The following TMEM132C variants were observed in gnomAD, a reference collection of about 807,000 sequenced individuals.
The protein encoded by TMEM132C is transmembrane protein 132C, also known as protein phosphatase 1, regulatory subunit 152.
In TMEM132C, 29 loss-of-function variants were observed where a neutral mutation model predicts 61.4. That is an observed-to-expected ratio of 0.47 (90% CI 0.35 to 0.64). The LOEUF (loss-of-function observed/expected upper bound fraction) is 0.64. Among genes scored for constraint, TMEM132C ranks in the 30% least tolerant of loss-of-function variants. The pLI is 0.00. For synonymous variants in TMEM132C, 656 were observed against 633.1 expected (o/e 1.04, Z -0.54); for missense variants, 1,408 against 1,476.9 (o/e 0.95, Z 0.76).
intron 1 of TMEM132C, among the ~76,000 whole-genome samples, chr12:128,352,512 ATTCAAAAG>A (rs1304608829): frequency 6.6e-6 from 1 of 152,204 alleles, no homozygotes; most frequent in African/African-American, 2.4e-5. Context: ...TAGTCTACTG[ATTCAAAAG>A]TTAATCTCAT....
chr12:128,573,522 A>C (rs557521007), intron 3 of TMEM132C, among the ~76,000 whole-genome samples: 21 of 152,280 alleles, frequency 1.4e-4, no homozygotes, highest in African/African-American at 4.1e-4. Flanking sequence ...TAATGGGTGC[A>C]GCATACCAAC....
intron 1 of TMEM132C, among the ~76,000 whole-genome samples, chr12:128,280,764 G>A (rs1284789676): frequency 6.6e-6 from 1 of 152,090 alleles, no homozygotes; most frequent in Non-Finnish European, 1.5e-5. Flanking sequence ...ATGCTTGAGG[G>A]GTCAAATATC....
intron 3 of TMEM132C, among the ~76,000 whole-genome samples, chr12:128,609,472 G>T (rs1002720053): frequency 6.6e-6 from 1 of 151,846 alleles, no homozygotes; most frequent in Non-Finnish European, 1.5e-5. Flanking sequence ...TGCCCAGGCT[G>T]GTCTCAAACT....
At chr12:128,589,389 G>A (rs1054954550) in intron 3 of TMEM132C, among the ~76,000 whole-genome samples, 4 of 151,672 alleles carry the variant, frequency 2.6e-5, no homozygotes, top group East Asian at 1.9e-4. Context: ...GGCTCCCACC[G>A]TCCCTCTCAC....
At chr12:128,442,974 G>T (rs142804588) in intron 2 of TMEM132C, among the ~76,000 whole-genome samples, 11 of 152,200 alleles carry the variant, frequency 7.2e-5, no homozygotes, top group African/African-American at 2.6e-4. Context: ...ACTGCCTTGC[G>T]TATGATTAGG....
At position 128,311,346 on chromosome 12, in the gene TMEM132C, T is replaced by C. The variant is rs1871957461; in HGVS notation, c.85+43859T>C. Among the ~76,000 whole-genome samples the C allele has an allele frequency of 2.6e-5, 4 of 152,324 alleles. No individual in the cohort carries two copies. In the South Asian group the frequency reaches 8.3e-4, roughly 32 times the overall value. ...CTGTGACCGTACTCCTGGTACTCAC[T>C]GTAATTATGGAATTGTGAAGTGTCA... is the stretch of plus-strand genomic sequence containing the variant. On this transcript the variant is annotated intron_variant, in intron 1 of 8. Transcript: ENST00000435159.
At chr12:128,694,594 T>C (rs1006917341) in intron 6 of TMEM132C, among the ~76,000 whole-genome samples, 1 of 152,160 alleles carries the variant, frequency 6.6e-6, no homozygotes, top group Non-Finnish European at 1.5e-5. Flanking sequence ...AGTGAAGGTG[T>C]TCCTGAGTTC....
At chr12:128,588,435 C>T (rs1260365793) in intron 3 of TMEM132C, among the ~76,000 whole-genome samples, 2 of 152,090 alleles carry the variant, frequency 1.3e-5, no homozygotes, top group African/African-American at 4.8e-5. Context: ...GACTCAAAAA[C>T]AAAATTTTTA....
chr12:128,370,245 A>T (rs1399936249), intron 1 of TMEM132C, among the ~76,000 whole-genome samples: 1 of 152,116 alleles, frequency 6.6e-6, no homozygotes, highest in Non-Finnish European at 1.5e-5. Context: ...TGGTACATGC[A>T]CGGGGCTGCC....
At chr12:128,641,521 T>C (rs898678741) in intron 4 of TMEM132C, among the ~76,000 whole-genome samples, 1 of 152,054 alleles carries the variant, frequency 6.6e-6, no homozygotes, top group Non-Finnish European at 1.5e-5. Context: ...GAGAGCACTG[T>C]GGGAAGAGGG....
intron 1 of TMEM132C, among the ~76,000 whole-genome samples, chr12:128,292,665 ATAAGTGTCTGT>A (rs879550254): frequency 0.044 from 5,678 of 128,092 alleles, 860 homozygotes; most frequent in East Asian, 0.21. Flanking sequence ...TGAGGTATTC[ATAAGTGTCTGT>A]TAAGTGTACT....
At chr12:128,362,564 A>C (rs919749924) in intron 1 of TMEM132C, among the ~76,000 whole-genome samples, 1 of 151,910 alleles carries the variant, frequency 6.6e-6, no homozygotes, top group Non-Finnish European at 1.5e-5. Flanking sequence ...CTGGCACCAG[A>C]CGTGTTTCAG....
chr12:128,573,247 A>T (rs924789335), intron 3 of TMEM132C, among the ~76,000 whole-genome samples: 1 of 152,222 alleles, frequency 6.6e-6, no homozygotes, highest in Non-Finnish European at 1.5e-5. Flanking sequence ...TGTGGCACAT[A>T]TACACCATGG....
At chr12:128,687,220 A>AAAAG (rs1954684409) in intron 5 of TMEM132C, among the ~76,000 whole-genome samples, 1 of 144,764 alleles carries the variant, frequency 6.9e-6, no homozygotes, top group East Asian at 2.0e-4. Flanking sequence ...AAAAAAAAAG[A>AAAAG]GGAAATGTCA....
At chr12:128,648,644 A>G (rs1373612682) in intron 4 of TMEM132C, among the ~76,000 whole-genome samples, 1 of 150,636 alleles carries the variant, frequency 6.6e-6, no homozygotes, top group East Asian at 2.0e-4. Context: ...ACTGGAGTCC[A>G]TCGGCGTTGG....
intron 2 of TMEM132C, among the ~76,000 whole-genome samples, chr12:128,536,435 A>C (rs10773553): frequency 0.67 from 102,065 of 151,830 alleles, 34,782 homozygotes; most frequent in African/African-American, 0.76. Context: ...AGATAAACCT[A>C]ATGTAAATGA....
At chr12:128,698,722 C>A (rs1425186857) in intron 8 of TMEM132C, among the ~76,000 whole-genome samples, 1 of 152,360 alleles carries the variant, frequency 6.6e-6, no homozygotes, top group African/African-American at 2.4e-5. Context: ...TGACTCAGAA[C>A]ACTCTGCGTC....
At chr12:128,497,742 G>T (rs1158901212) in intron 2 of TMEM132C, among the ~76,000 whole-genome samples, 1 of 152,134 alleles carries the variant, frequency 6.6e-6, no homozygotes, top group Non-Finnish European at 1.5e-5. Flanking sequence ...CTCTTCCCTT[G>T]GCTGGGAAAG....
At chr12:128,352,158 G>T (rs186012155) in intron 1 of TMEM132C, among the ~76,000 whole-genome samples, 2 of 152,188 alleles carry the variant, frequency 1.3e-5, no homozygotes, top group Non-Finnish European at 2.9e-5. Flanking sequence ...TGCTAATAAA[G>T]ATATACCTGA....
Sources: gnomAD v4.1 joint callset for allele counts (sites outside exome capture counted in the v4.1 genomes callset) on GRCh38, gnomAD v4.1.1 for gene constraint, MANE v1.5 for transcripts, NCBI Gene and HGNC (gene_info 2026-07-23, HGNC 2026-07-21) for gene names.